GDPD4: variants seen among roughly 807,000 people sequenced by gnomAD.
The protein encoded by GDPD4 is glycerophosphodiester phosphodiesterase 6.
Under a neutral mutation model 67.8 loss-of-function variants are expected in GDPD4, and 60 were observed. The ratio of observed to expected loss-of-function variants is 0.88; its 90% CI spans 0.72 to 1.10. GDPD4 has a LOEUF of 1.10. Ranked by LOEUF, GDPD4 falls within the 50% of genes least tolerant of loss-of-function variation. The probability of loss-of-function intolerance (pLI) is 0.00; values close to 1 mark genes in which losing one functional copy is unlikely to be tolerated. For synonymous variants in GDPD4, 212 were observed against 210.9 expected, an observed-to-expected ratio of 1.00 and a Z score of -0.04; for missense variants, 623 against 613.9, an observed-to-expected ratio of 1.01 and a Z score of -0.16.
chr11:77,270,898 G>T, intron 7 of GDPD4: 1 of 474,616 alleles, frequency 2.1e-6, no homozygotes, highest in Non-Finnish European at 3.7e-6. Context: ...TCCAAAAAAA[G>T]AATCCCTCTT....
intron 3 of GDPD4, among the ~76,000 whole-genome samples, chr11:77,284,360 C>A (rs958409540): frequency 6.6e-6 from 1 of 151,908 alleles, no homozygotes; most frequent in Non-Finnish European, 1.5e-5. Context: ...AAAAATATAA[C>A]AAGTGATTAT....
At chr11:77,274,677 T>C (rs1038426395) in intron 5 of GDPD4, among the ~76,000 whole-genome samples, 1 of 152,178 alleles carries the variant, frequency 6.6e-6, no homozygotes, top group Non-Finnish European at 1.5e-5. Context: ...AATTACCCAA[T>C]CTCAGGTATT....
intron 13 of GDPD4, among the ~76,000 whole-genome samples, chr11:77,240,884 C>T (rs543670775): frequency 6.6e-6 from 1 of 152,236 alleles, no homozygotes; most frequent in South Asian, 2.1e-4. Flanking sequence ...TATCTCACAC[C>T]TCTCAAAATT....
rs965542215 is a variant in GDPD4 at position 77,297,238 on chromosome 11, T to C, written c.-254+4367A>G. Among the ~76,000 whole-genome samples, 4 of 151,710 alleles carry C rather than the reference T, an allele frequency of 2.6e-5. No individual in the cohort carries two copies. In the East Asian group the frequency reaches 7.8e-4, roughly 30 times the overall value. On this transcript the variant is annotated intron_variant, in intron 1 of 16. Transcript: ENST00000315938. ...ATATTTTCCTGTATATTTTAAATAG[T>C]TCATAATTTAAAAAGTAGATGCTCT... is the stretch of plus-strand genomic sequence containing the variant.
intron 1 of GDPD4, among the ~76,000 whole-genome samples, chr11:77,300,184 C>A (rs554067896): frequency 6.6e-6 from 1 of 152,088 alleles, no homozygotes; most frequent in African/African-American, 2.4e-5. Flanking sequence ...CCCTCACTCC[C>A]GCCAAACCAC....
intron 4 of GDPD4, among the ~76,000 whole-genome samples, chr11:77,277,651 T>C (rs1483226334): frequency 6.6e-6 from 1 of 152,028 alleles, no homozygotes; most frequent in Admixed American, 6.6e-5. Context: ...TCTTCTTTAT[T>C]AGTCTTGCTA....
intron 14 of GDPD4, among the ~76,000 whole-genome samples, chr11:77,229,525 C>A (rs1311532184): frequency 6.6e-6 from 1 of 152,192 alleles, no homozygotes; most frequent in Admixed American, 6.5e-5. Flanking sequence ...AGAAGTCACA[C>A]AACAAGTCTA....
At chr11:77,246,256 C>G (rs774038663) in intron 11 of GDPD4, among the ~76,000 whole-genome samples, 20 of 152,188 alleles carry the variant, frequency 1.3e-4, no homozygotes, top group Non-Finnish European at 2.6e-4. Flanking sequence ...CATTGCACTA[C>G]AGCCTGGGCA....
At chr11:77,248,032 C>G (rs1444174320) in intron 11 of GDPD4, among the ~76,000 whole-genome samples, 1 of 76,352 alleles carries the variant, frequency 1.3e-5, no homozygotes, top group Non-Finnish European at 2.4e-5. Context: ...GCCTGGACAA[C>G]AAGAGTGAAA....
chr11:77,232,714 C>T (rs1379299908), intron 14 of GDPD4, among the ~76,000 whole-genome samples: 1 of 152,192 alleles, frequency 6.6e-6, no homozygotes, highest in Non-Finnish European at 1.5e-5. Flanking sequence ...AAACCACATG[C>T]AAAGATATCT....
chr11:77,265,218 CT>C (rs1169603560), intron 10 of GDPD4, among the ~76,000 whole-genome samples: 3 of 152,162 alleles, frequency 2.0e-5, no homozygotes, highest in East Asian at 3.9e-4. Flanking sequence ...GTTAATCTGT[CT>C]TATGTCAATT....
At chr11:77,255,323 T>C (rs1427656994) in intron 11 of GDPD4, among the ~76,000 whole-genome samples, 1 of 151,942 alleles carries the variant, frequency 6.6e-6, no homozygotes, top group Admixed American at 6.6e-5. Context: ...TCCCAGCACT[T>C]TGGGGGGCTG....
chr11:77,238,455 G>A (rs555623811), intron 13 of GDPD4, among the ~76,000 whole-genome samples: 5 of 151,874 alleles, frequency 3.3e-5, no homozygotes, highest in African/African-American at 1.2e-4. Flanking sequence ...GTGGTGGTGT[G>A]AGCCTGTAAT....
chr11:77,255,585 G>A (rs1355195999), intron 11 of GDPD4, among the ~76,000 whole-genome samples: 2 of 152,068 alleles, frequency 1.3e-5, no homozygotes, highest in African/African-American at 4.8e-5. Context: ...ATAAGGCTGG[G>A]TGCGGTGGCT....
At chr11:77,297,398 C>T (rs1189188373) in intron 1 of GDPD4, among the ~76,000 whole-genome samples, 2 of 151,480 alleles carry the variant, frequency 1.3e-5, no homozygotes, top group East Asian at 2.0e-4. Context: ...TAGCCAGGCG[C>T]GGTGGCTGGT....
In GDPD4 at chr11:77,268,376, CA is replaced by C. The variant is rs111683252; in HGVS notation, c.707+80del. On this transcript the variant is annotated intron_variant, in intron 10 of 16. Coordinates refer to ENST00000315938, the MANE Select transcript of GDPD4 (RefSeq NM_182833.3). ...AACTCCCCAGGGCTTGCTGTCTCTACAACCTCAGGCCAGGCTGGTTCTCTTG... is the reference window on the plus strand; with the variant it reads ...AACTCCCCAGGGCTTGCTGTCTCTACACCTCAGGCCAGGCTGGTTCTCTTG... The C allele has an allele frequency of 9.6e-4, 891 of 931,548 alleles. 8 individuals carry two copies. The African/African-American group carries it at 0.013, about 13-fold the overall frequency. 57.7% of individuals were successfully genotyped at this position (931,548 alleles called of 1,614,324 possible). A position where few individuals can be genotyped will look rare whatever the true frequency, so the allele number is the denominator to read the frequency against.
At position 77,245,422 on chromosome 11, in the gene GDPD4, A is replaced by T. The variant is rs143740353; in HGVS notation, c.945T>A (p.Ala315=). ...CCTTCTCTGCAAGTGTCAATAAATC[A>T]GCTAGTGTTGGAATTGACTGATTTC... ...RARNQSIPTL[A]DLLTLAEKER... The change falls in exon 12 of 17, where the codon GCT becomes GCA. Residue 315 remains alanine, a synonymous_variant. Transcript: ENST00000315938. The T allele has an allele frequency of 0.013, 20,901 of 1,614,124 alleles. 169 individuals carry two copies. The highest frequency in any genetic ancestry group is 0.016 in the Middle Eastern group (98 of 6,062).
At chr11:77,219,079 C>T (rs1365211391) in intron 16 of GDPD4, among the ~76,000 whole-genome samples, 2 of 152,172 alleles carry the variant, frequency 1.3e-5, no homozygotes, top group Admixed American at 6.5e-5. Context: ...TAATGATTGC[C>T]ATTCTAACTG....
At chr11:77,255,547 G>A (rs944654641) in intron 11 of GDPD4, among the ~76,000 whole-genome samples, 1 of 152,250 alleles carries the variant, frequency 6.6e-6, no homozygotes, top group African/African-American at 2.4e-5. Context: ...CTGGGTGACA[G>A]TGAAACTCCG....
Sources: gnomAD v4.1 joint callset for allele counts (sites outside exome capture counted in the v4.1 genomes callset) on GRCh38, gnomAD v4.1.1 for gene constraint, MANE v1.5 for transcripts, NCBI Gene and HGNC (gene_info 2026-07-23, HGNC 2026-07-21) for gene names.